NRXN1: variants seen among roughly 807,000 people sequenced by gnomAD.
The protein encoded by NRXN1 is neurexin-1.
NRXN1 carries 39 observed loss-of-function variants against 150.9 expected under a neutral mutation model. That is an observed-to-expected ratio of 0.26 (90% confidence interval 0.20 to 0.34). The LOEUF is 0.34. Among genes scored for constraint, NRXN1 ranks in the 10% least tolerant of loss-of-function variants. The pLI is 1.00. For missense variants in NRXN1, 1,815 were observed against 1,949.9 expected, an observed-to-expected ratio of 0.93 and a Z score of 1.30; for synonymous variants, 924 against 757.0, an observed-to-expected ratio of 1.22 and a Z score of -3.62.
intron 17 of NRXN1, among the ~76,000 whole-genome samples, chr2:50,383,230 C>T (rs984963273): frequency 6.6e-6 from 1 of 152,094 alleles, no homozygotes; most frequent in Non-Finnish European, 1.5e-5. Context: ...ATGGTCTGGT[C>T]TGATCATTCA....
At chr2:50,605,730 T>C (rs979830204) in intron 8 of NRXN1, among the ~76,000 whole-genome samples, 2 of 152,148 alleles carry the variant, frequency 1.3e-5, no homozygotes, top group South Asian at 2.1e-4. Context: ...GAAAACAGTA[T>C]GGAAGTTCCT....
At chr2:50,634,133 T>C (rs986759670) in intron 5 of NRXN1, among the ~76,000 whole-genome samples, 3 of 152,216 alleles carry the variant, frequency 2.0e-5, no homozygotes. Context: ...GGGCAAACTC[T>C]TTGATTTTAT....
intron 17 of NRXN1, among the ~76,000 whole-genome samples, chr2:50,272,327 T>C (rs992685199): frequency 1.3e-5 from 2 of 152,172 alleles, no homozygotes; most frequent in Admixed American, 1.3e-4. Flanking sequence ...AAAAGGTGTT[T>C]TGGTAAGGGT....
chr2:50,372,848 T>A (rs770675440), intron 17 of NRXN1, among the ~76,000 whole-genome samples: 1 of 152,082 alleles, frequency 6.6e-6, no homozygotes, highest in East Asian at 1.9e-4. Flanking sequence ...AGAAGCAACA[T>A]TGATCCTACC....
At chr2:50,089,551 C>T (rs1307571221) in intron 19 of NRXN1, among the ~76,000 whole-genome samples, 1 of 152,048 alleles carries the variant, frequency 6.6e-6, no homozygotes, top group Non-Finnish European at 1.5e-5. Context: ...CTTTGGGAGG[C>T]CGAGGCAGGA....
At chr2:50,430,014 G>C (rs2084829847) in intron 17 of NRXN1, among the ~76,000 whole-genome samples, 1 of 152,040 alleles carries the variant, frequency 6.6e-6, no homozygotes, top group African/African-American at 2.4e-5. Context: ...AATACACTCT[G>C]TCACACACAT....
intron 8 of NRXN1, among the ~76,000 whole-genome samples, chr2:50,592,648 G>T (rs990117293): frequency 6.6e-6 from 1 of 152,170 alleles, no homozygotes; most frequent in Admixed American, 6.5e-5. Context: ...GGTAATGAAG[G>T]CTATCACACT....
At chr2:50,480,069 G>A (rs1332341563) in intron 15 of NRXN1, among the ~76,000 whole-genome samples, 4 of 152,034 alleles carry the variant, frequency 2.6e-5, no homozygotes, top group South Asian at 2.1e-4. Flanking sequence ...CACCATGCCC[G>A]GCCTGATCCC....
chr2:50,695,841 A>ATTTTTTT (rs5831150), intron 5 of NRXN1, among the ~76,000 whole-genome samples: 4 of 127,292 alleles, frequency 3.1e-5, no homozygotes, highest in Non-Finnish European at 3.2e-5. Context: ...AGTGACTCTG[A>ATTTTTTT]TTTTTTTTTT....
At chr2:49,941,979 T>C (rs1039740032) in intron 22 of NRXN1, among the ~76,000 whole-genome samples, 31 of 152,060 alleles carry the variant, frequency 2.0e-4, no homozygotes, top group Admixed American at 2.0e-3. Flanking sequence ...AGAAAAGCAA[T>C]AGCAATGACT....
chr2:50,366,193 C>A (rs2079571806), intron 17 of NRXN1, among the ~76,000 whole-genome samples: 1 of 143,700 alleles, frequency 7.0e-6, no homozygotes. Flanking sequence ...GATTTGCTGA[C>A]AGGTTAGAGA....
intron 17 of NRXN1, among the ~76,000 whole-genome samples, chr2:50,438,781 T>G (rs1480180428): frequency 6.6e-6 from 1 of 152,202 alleles, no homozygotes; most frequent in East Asian, 1.9e-4. Flanking sequence ...GCATATTTGG[T>G]ATATATGCTT....
intron 21 of NRXN1, among the ~76,000 whole-genome samples, chr2:49,996,755 T>C (rs911419028): frequency 1.3e-5 from 2 of 152,206 alleles, no homozygotes; most frequent in Non-Finnish European, 2.9e-5. Flanking sequence ...CCAGAAGGAA[T>C]GCAGCTGCCC....
intron 11 of NRXN1, 149 bp downstream of exon 11, chr2:50,531,078 C>T (rs1043533401): frequency 5.0e-5 from 29 of 580,994 alleles, no homozygotes; most frequent in African/African-American, 4.7e-4. Context: ...AAGATGCCCC[C>T]GAAAACCTCA....
At chr2:50,167,316 T>C (rs990596203) in intron 18 of NRXN1, among the ~76,000 whole-genome samples, 12 of 152,296 alleles carry the variant, frequency 7.9e-5, no homozygotes, top group African/African-American at 2.9e-4. Flanking sequence ...AACACTCTCC[T>C]AGGAATTTAA....
intron 18 of NRXN1, among the ~76,000 whole-genome samples, chr2:50,121,189 T>C (rs1410953762): frequency 6.6e-6 from 1 of 151,944 alleles, no homozygotes. Flanking sequence ...ACCTAGCTAA[T>C]TTTTTGTATT....
intron 2 of NRXN1, among the ~76,000 whole-genome samples, chr2:50,976,590 G>C (rs1467618324): frequency 1.3e-5 from 2 of 151,784 alleles, no homozygotes; most frequent in African/African-American, 4.8e-5. Flanking sequence ...AAAATATTAG[G>C]GGACCAAGTA....
intron 5 of NRXN1, among the ~76,000 whole-genome samples, chr2:50,625,262 G>A (rs1313487690): frequency 1.3e-5 from 2 of 152,056 alleles, no homozygotes; most frequent in Admixed American, 6.6e-5. Flanking sequence ...TGTAGAAAAT[G>A]GCCATCAGTG....
At chr2:50,247,274 G>A (rs2066590485) in intron 17 of NRXN1, among the ~76,000 whole-genome samples, 1 of 152,104 alleles carries the variant, frequency 6.6e-6, no homozygotes, top group African/African-American at 2.4e-5. Flanking sequence ...TGGTAATGGT[G>A]ATCACATGAA....
Sources: allele counts gnomAD v4.1 joint callset (sites outside exome capture counted in the v4.1 genomes callset), GRCh38; gene constraint gnomAD v4.1.1; transcripts MANE v1.5; gene names NCBI Gene and HGNC (gene_info 2026-07-23, HGNC 2026-07-21).